Variants in MAP4 observed in about 807,000 individuals in gnomAD.
The protein encoded by MAP4 is microtubule associated protein 4.
MAP4 carries 76 observed loss-of-function variants against 170.2 expected under a neutral mutation model. The observed-to-expected ratio is 0.45, with a 90% CI of 0.37 to 0.54. MAP4 has a LOEUF of 0.54. Among genes scored for constraint, MAP4 ranks in the 20% least tolerant of loss-of-function variants. The probability of loss-of-function intolerance (pLI) is 0.00; values close to 1 mark genes in which losing one functional copy is unlikely to be tolerated. For synonymous variants in MAP4, 909 were observed against 994.5 expected (o/e 0.91, Z 1.62); for missense variants, 2,506 against 2,748.0 (o/e 0.91, Z 1.97).
At chr3:47,864,288 C>T (rs1039393164) in intron 17 of MAP4, among the ~76,000 whole-genome samples, 1 of 152,152 alleles carries the variant, frequency 6.6e-6, no homozygotes, top group Admixed American at 6.5e-5. Context: ...TTGCTATAAT[C>T]CCAGCACTTT....
At chr3:48,053,297 G>A (rs1428453365) in intron 1 of MAP4, among the ~76,000 whole-genome samples, 1 of 152,128 alleles carries the variant, frequency 6.6e-6, no homozygotes, top group East Asian at 1.9e-4. Context: ...CTGTACTATG[G>A]AAAAGATTTA....
At position 47,855,420 on chromosome 3, in the gene MAP4, C is replaced by A; in HGVS notation, c.6584-60G>T. 1 of 1,005,766 alleles carries A rather than the reference C, an allele frequency of 9.9e-7. No homozygotes were observed. The highest frequency in any genetic ancestry group is 1.3e-5 in the South Asian group (1 of 78,312). The allele number at this position is 1,005,766 out of a possible 1,614,324, so 62.3% of individuals were successfully genotyped here. A position where few individuals can be genotyped will look rare whatever the true frequency, so the allele number is the denominator to read the frequency against. On this transcript the variant is annotated intron_variant, in intron 18 of 20. Coordinates refer to ENST00000683076, the MANE Select transcript of MAP4 (RefSeq NM_001385682.1). This position sits in a 1 kb window ranked among gnomAD's most constrained non-coding sequence, Gnocchi z 5.1. Reference sequence around the variant, plus strand: ...CAGAGGAATATCCCTGCAGGCAAAACCAGGACTAGCGATATGCCCAATCTA... The same window carrying A: ...CAGAGGAATATCCCTGCAGGCAAAAACAGGACTAGCGATATGCCCAATCTA...
intron 1 of MAP4, among the ~76,000 whole-genome samples, chr3:48,045,575 A>G (rs1222764179): frequency 6.6e-6 from 1 of 152,190 alleles, no homozygotes; most frequent in Non-Finnish European, 1.5e-5. Flanking sequence ...CCTTCCATGG[A>G]AAAACTGTCT....
At chr3:48,087,238 CA>C (rs1303238389) in intron 1 of MAP4, among the ~76,000 whole-genome samples, 3 of 152,128 alleles carry the variant, frequency 2.0e-5, no homozygotes, top group African/African-American at 4.8e-5. Context: ...TTGAGAAAAG[CA>C]AAGTTTAAAA....
At chr3:47,863,937 T>TGTGGGGGGGGGGGGG (rs374208589) in intron 17 of MAP4, among the ~76,000 whole-genome samples, 3 of 138,476 alleles carry the variant, frequency 2.2e-5, no homozygotes, top group East Asian at 2.1e-4. Context: ...TGTGTGTGTG[T>TGTGGGGGGGGGGGGG]GGGGAGTGGT....
intron 1 of MAP4, among the ~76,000 whole-genome samples, chr3:48,030,029 T>G (rs1240054977): frequency 1.4e-5 from 2 of 147,736 alleles, no homozygotes; most frequent in Non-Finnish European, 3.0e-5. Context: ...TATTATATAT[T>G]CATATGTAAT....
chr3:47,922,274 A>C lies in MAP4; in HGVS notation c.416-396T>G, dbSNP rs1304029514. On this transcript the variant is annotated intron_variant, in intron 4 of 20. Coordinates refer to ENST00000683076, the MANE Select transcript of MAP4 (RefSeq NM_001385682.1). ...AATATTTCTTATTATCCTATGATGA[A>C]TATAGATGAGTTGTCAATAGTAAGT... 3.9e-5 allele frequency among the ~76,000 whole-genome samples: 6 copies of C among 152,182 alleles called. 1 individual carries two copies. In the South Asian group the frequency reaches 1.2e-3, roughly 32 times the overall value.
intron 1 of MAP4, among the ~76,000 whole-genome samples, chr3:48,054,622 T>C (rs1419259558): frequency 2.5e-5 from 2 of 78,740 alleles, no homozygotes; most frequent in African/African-American, 1.1e-4. Context: ...AGTGTAAGAC[T>C]CCATCTCAAA....
chr3:47,864,539 T>G (rs904043226), intron 17 of MAP4, among the ~76,000 whole-genome samples: 2 of 152,074 alleles, frequency 1.3e-5, no homozygotes, highest in African/African-American at 4.8e-5. Context: ...TAGCTGGGCA[T>G]TGTGGCGGGC....
At chr3:48,077,461 G>T (rs1271368861) in intron 1 of MAP4, among the ~76,000 whole-genome samples, 2 of 147,986 alleles carry the variant, frequency 1.4e-5, no homozygotes, top group East Asian at 2.0e-4. Context: ...AAAAAAAAAA[G>T]AAAGAAAGAA....
intron 1 of MAP4, among the ~76,000 whole-genome samples, chr3:48,036,363 C>T (rs1412688255): frequency 1.3e-5 from 2 of 152,192 alleles, no homozygotes; most frequent in Non-Finnish European, 2.9e-5. Flanking sequence ...ACACCACTAC[C>T]GACCTGACCC....
In MAP4 at chr3:48,055,175, AGTCTCCCTCTCCCTCTCCCTCTCC is replaced by A. The variant is rs748617375; in HGVS notation, c.-20+33574_-20+33597del. Among the ~76,000 whole-genome samples the A allele has an allele frequency of 2.3e-3, 315 of 139,148 alleles. 2 individuals carry two copies. Among genetic ancestry groups the A allele is most frequent in the African/African-American group, 6.4e-3 (226 of 35,194 alleles). The allele number at this position is 139,148 out of a possible 152,430, so 91.3% of individuals were successfully genotyped here. On this transcript the variant is annotated intron_variant, in intron 1 of 18. Transcript: ENST00000360240. ...AATACAAATGGCAGTTTCTTTAAAAAGTCTCCCTCTCCCTCTCCCTCTCCGTCTCCGTCTCCGTCTCCGTCTCCG... is the reference window on the plus strand; with the variant it reads ...AATACAAATGGCAGTTTCTTTAAAAAGTCTCCGTCTCCGTCTCCGTCTCCG...
At chr3:47,871,646 A>C (rs2092794122) in intron 13 of MAP4, among the ~76,000 whole-genome samples, 1 of 152,220 alleles carries the variant, frequency 6.6e-6, no homozygotes, top group Non-Finnish European at 1.5e-5. Flanking sequence ...AGGCAAGAGT[A>C]AATTCTACCT....
intron 1 of MAP4, among the ~76,000 whole-genome samples, chr3:48,056,649 T>C (rs62260847): frequency 5.4e-4 from 42 of 77,462 alleles, no homozygotes; most frequent in Admixed American, 7.2e-4. Context: ...CCAGCCGCCC[T>C]GTCTGGGAGG....
chr3:47,853,400 G>A (rs775551943), intron 19 of MAP4, 48 bp from the exon 20 acceptor site: 2 of 1,291,982 alleles, frequency 1.5e-6, no homozygotes, highest in Non-Finnish European at 1.1e-6. Flanking sequence ...TCGAGGGGGG[G>A]AGTGGGATGG....
In MAP4 at chr3:47,852,846, G is replaced by A. The variant is rs765274723; in HGVS notation, c.*88C>T. 20 of 1,557,646 alleles carry A rather than the reference G, an allele frequency of 1.3e-5. No homozygotes were observed. The highest frequency in any genetic ancestry group is 3.3e-4 in the Middle Eastern group (2 of 5,992). ...GGACCCGGGAGCCCGAGTTGGGGCC[G>A]CCAGGGAAGTGTGGGGGGCGGGAGA... On this transcript the variant is annotated 3_prime_UTR_variant, in exon 21 of 21. Transcript: ENST00000683076.
chr3:48,011,070 T>C lies in MAP4; in HGVS notation c.-20+5264A>G, dbSNP rs975178827. 2.4e-4 allele frequency among the ~76,000 whole-genome samples: 36 copies of C among 152,174 alleles called. No individual in the cohort carries two copies. The Middle Eastern group carries it at 0.01, about 43-fold the overall frequency. On this transcript the variant is annotated intron_variant, in intron 1 of 20. Transcript: ENST00000683076. ...GTGTGGGGCTCGTGACAAAAACTGA[T>C]AGCTTTGCTGCCAAAGGGGCTCCTG...
Position 47,998,701 on chromosome 3 carries a change from CA to C in MAP4, c.159del (p.Asp54MetfsTer31). 3 of 1,614,166 alleles carry C rather than the reference CA, an allele frequency of 1.9e-6. No individual in the cohort carries two copies. The highest frequency in any genetic ancestry group is 2.5e-6 in the Non-Finnish European group (3 of 1,180,014). On this transcript the variant is annotated frameshift_variant, in exon 2 of 21. Coordinates refer to ENST00000683076, the MANE Select transcript of MAP4 (RefSeq NM_001385682.1). LOFTEE classifies it high-confidence loss of function. ...GACTCTGAGTTCCCGGTTTTCTCATCAACATCCAGGAGAGGAATATAGTCTG... is the reference window on the plus strand; with the variant it reads ...GACTCTGAGTTCCCGGTTTTCTCATCACATCCAGGAGAGGAATATAGTCTG... The part of the protein sequence containing the change: ...GKTDYIPLLD[V>X]DEKTGNSESK...
At chr3:47,917,604 AG>A (rs145254107) in intron 6 of MAP4, among the ~76,000 whole-genome samples, 133 of 147,346 alleles carry the variant, frequency 9.0e-4, no homozygotes, top group African/African-American at 3.2e-3. Context: ...AAAAAAAAAA[AG>A]AAGAAGAAGC....
Sources: gnomAD v4.1 joint callset for allele counts (sites outside exome capture counted in the v4.1 genomes callset) on GRCh38, gnomAD v4.1.1 for gene constraint, Gnocchi (gnomAD v3.1) non-coding constraint, MANE v1.5 for transcripts, NCBI Gene and HGNC (gene_info 2026-07-23, HGNC 2026-07-21) for gene names.